CSMD2: variants seen among roughly 807,000 people sequenced by gnomAD.
CSMD2 encodes the protein CUB and Sushi multiple domains 2.
CSMD2 carries 130 observed loss-of-function variants against 398.5 expected under a neutral mutation model. The ratio of observed to expected loss-of-function variants is 0.33; its 90% CI spans 0.28 to 0.38. The LOEUF is 0.38. Ranked by LOEUF, CSMD2 falls within the 10% of genes least tolerant of loss-of-function variation. The probability of loss-of-function intolerance (pLI) is 1.00; values close to 1 mark genes in which losing one functional copy is unlikely to be tolerated. For missense variants in CSMD2, 3,829 were observed against 4,764.9 expected, an observed-to-expected ratio of 0.80 and a Z score of 5.78; for synonymous variants, 1,828 against 1,908.5, an observed-to-expected ratio of 0.96 and a Z score of 1.10.
chr1:33,790,180 G>C (rs1654059127), intron 11 of CSMD2, among the ~76,000 whole-genome samples: 1 of 152,184 alleles, frequency 6.6e-6, no homozygotes, highest in South Asian at 2.1e-4. Context: ...CACCAAGTGA[G>C]GGGGAGAGGT....
chr1:34,112,820 A>G (rs1015375711), intron 1 of CSMD2: 2 of 152,224 alleles, frequency 1.3e-5, no homozygotes, highest in African/African-American at 4.8e-5. Context: ...AGCCAATTCA[A>G]TGGATTTTTA....
intron 5 of CSMD2, among the ~76,000 whole-genome samples, chr1:33,859,399 T>A (rs1359468901): frequency 6.6e-6 from 1 of 152,196 alleles, no homozygotes; most frequent in Non-Finnish European, 1.5e-5. Context: ...ATCCTCTGCT[T>A]CTCTCATCAC....
In CSMD2 at chr1:33,605,518, A is replaced by C. The variant is rs757307757; in HGVS notation, c.6344-48T>G. The C allele has an allele frequency of 2.5e-6, 4 of 1,583,308 alleles. No homozygotes were observed. The African/African-American group carries it at 5.4e-5, about 21-fold the overall frequency. On this transcript the variant is annotated intron_variant, in intron 41 of 70. Coordinates refer to ENST00000373381, the MANE Select transcript of CSMD2 (RefSeq NM_001281956.2). ...GTCACTTTATTCTCTCTGACCAGAA[A>C]ATAGGAGCGGCAGAAAGCATAGTGG... is the stretch of plus-strand genomic sequence containing the variant.
At chr1:33,736,874 G>C (rs75693031) in intron 15 of CSMD2, among the ~76,000 whole-genome samples, 219 of 152,298 alleles carry the variant, frequency 1.4e-3, no homozygotes, top group African/African-American at 5.2e-3. Context: ...AGAAGGAAGA[G>C]ATCAGGTGAG....
chr1:33,937,622 C>T (rs975818674), intron 3 of CSMD2, among the ~76,000 whole-genome samples: 5 of 152,336 alleles, frequency 3.3e-5, no homozygotes, highest in African/African-American at 9.6e-5. Flanking sequence ...TTCCTCTCTT[C>T]CTCCTCTGAG....
chr1:33,739,130 A>G lies in CSMD2; in HGVS notation c.2368+10T>C. The G allele has an allele frequency of 6.2e-7, 1 of 1,607,154 alleles. No individual in the cohort carries two copies. Among genetic ancestry groups the G allele is most frequent in the African/African-American group, 1.3e-5 (1 of 74,778 alleles). On this transcript the variant is annotated intron_variant, in intron 15 of 70. Transcript: ENST00000373381. ...ACAATGGCCACTGCTCCCAGCCTGC[A>G]GGCTCGTACCTTCACACCGCAGCAC... is the stretch of plus-strand genomic sequence containing the variant.
Position 33,555,637 on chromosome 1 carries a change from C to T in CSMD2, c.8743+2097G>A, listed in dbSNP as rs184305315. Among the ~76,000 whole-genome samples the T allele has an allele frequency of 5.9e-5, 9 of 152,332 alleles. No homozygotes were observed. The East Asian group carries it at 1.7e-3, about 29-fold the overall frequency. On this transcript the variant is annotated intron_variant, in intron 55 of 70. Coordinates refer to ENST00000373381, the MANE Select transcript of CSMD2 (RefSeq NM_001281956.2). ...TTGCCACAGCCACACCAGCCTTCAC[C>T]ACCCCGATCAGTTTGCAGTCATCAA...
Position 33,636,637 on chromosome 1 carries a change from G to T in CSMD2, c.4775-83C>A. ...TCTTGGGCTCCAGTGCCCATGAGGAGAACCCGACTTTAATTAGCCACAGAG... is the reference window on the plus strand; with the variant it reads ...TCTTGGGCTCCAGTGCCCATGAGGATAACCCGACTTTAATTAGCCACAGAG... On this transcript the variant is annotated intron_variant, in intron 29 of 70. Transcript: ENST00000373381. This position sits in a 1 kb window ranked among gnomAD's most constrained non-coding sequence, Gnocchi z 4.8. 1 of 1,195,124 alleles carries T rather than the reference G, an allele frequency of 8.4e-7. No homozygotes were observed. Among genetic ancestry groups the T allele is most frequent in the Non-Finnish European group, 1.2e-6 (1 of 829,366 alleles). The allele number at this position is 1,195,124 out of a possible 1,614,324, so 74.0% of individuals were successfully genotyped here.
intron 3 of CSMD2, among the ~76,000 whole-genome samples, chr1:33,986,504 G>C (rs1175729918): frequency 2.0e-5 from 3 of 152,162 alleles, no homozygotes; most frequent in African/African-American, 4.8e-5. Context: ...CGAGTAGGTA[G>C]AGCCAGGCAT....
intron 2 of CSMD2, among the ~76,000 whole-genome samples, chr1:34,063,091 GC>G (rs1372482923): frequency 2.6e-5 from 4 of 151,998 alleles, no homozygotes; most frequent in African/African-American, 9.7e-5. Context: ...GGGGGAAACC[GC>G]CCCCGTGATT....
intron 5 of CSMD2, chr1:33,870,053 T>C (rs764870724): frequency 3.3e-5 from 5 of 152,190 alleles, no homozygotes; most frequent in Admixed American, 6.5e-5. Context: ...TAGCTTCCAC[T>C]AAAATATCAA....
rs943585130 is a variant in CSMD2 at position 33,537,791 on chromosome 1, C to T, written c.9632-182G>A. Among the ~76,000 whole-genome samples the T allele has an allele frequency of 6.6e-6, 1 of 152,218 alleles. No individual in the cohort carries two copies. Among genetic ancestry groups the T allele is most frequent in the Admixed American group, 6.5e-5 (1 of 15,290 alleles). On this transcript the variant is annotated intron_variant, in intron 60 of 70. Coordinates refer to ENST00000373381, the MANE Select transcript of CSMD2 (RefSeq NM_001281956.2). The surrounding 1 kb of genome is among the most constrained non-coding windows in gnomAD (Gnocchi z 4.6). The stretch of plus-strand genomic sequence containing the variant: ...GCGGTGCTGCTGCTGATGGGGGCTT[C>T]CTCTCCCTTCTACATTCAAAGTGCC...
intron 3 of CSMD2, among the ~76,000 whole-genome samples, chr1:34,007,146 C>G (rs1647084405): frequency 6.6e-6 from 1 of 152,076 alleles, no homozygotes; most frequent in Admixed American, 6.6e-5. Flanking sequence ...GAGGACTGGC[C>G]CGCCTCGACC....
At chr1:33,544,692 T>C (rs542290560) in intron 57 of CSMD2, among the ~76,000 whole-genome samples, 1 of 151,366 alleles carries the variant, frequency 6.6e-6, no homozygotes, top group Admixed American at 6.6e-5. Context: ...TGAAGAGAAG[T>C]GGGTTAAAGG....
chr1:34,138,127 T>C (rs1324836410), intron 1 of CSMD2, among the ~76,000 whole-genome samples: 1 of 152,210 alleles, frequency 6.6e-6, no homozygotes. Flanking sequence ...TGTCAGGTGC[T>C]GGCTAAACAA....
Position 33,537,671 on chromosome 1 carries a change from C to T in CSMD2, c.9632-62G>A. On this transcript the variant is annotated intron_variant, in intron 60 of 70. Transcript: ENST00000373381. The surrounding 1 kb of genome is among the most constrained non-coding windows in gnomAD (Gnocchi z 4.6). The stretch of plus-strand genomic sequence containing the variant: ...CTTTCCAGAACCCAATCTTCCAGTC[C>T]CACACCCCCATCTTTGTTCTTTGCA... 1 of 1,500,748 alleles carries T rather than the reference C, an allele frequency of 6.7e-7. No individual in the cohort carries two copies. Among genetic ancestry groups the T allele is most frequent in the Non-Finnish European group, 9.0e-7 (1 of 1,110,036 alleles). 93.0% of individuals were successfully genotyped at this position (1,500,748 alleles called of 1,614,324 possible). A position where few individuals can be genotyped will look rare whatever the true frequency, so the allele number is the denominator to read the frequency against.
Position 33,583,781 on chromosome 1 carries a change from C to T in CSMD2, c.7101G>A (p.Leu2367=). 6.2e-7 allele frequency: 1 copy of T among 1,614,158 alleles called. No homozygotes were observed. The highest frequency in any genetic ancestry group is 8.5e-7 in the Non-Finnish European group (1 of 1,180,040). Reference sequence around the variant, plus strand: ...GATAGCTTCCAGGGTAGCTCTGGCTCAGGATCACGCCTGTGGAGTCTGTCA... The same window carrying T: ...GATAGCTTCCAGGGTAGCTCTGGCTTAGGATCACGCCTGTGGAGTCTGTCA... The part of the protein sequence containing the change: ...ELLTDSTGVI[L]SQSYPGSYPQ... The change falls in exon 47 of 71, where the codon CTG becomes CTA. Residue 2367 remains leucine (L), a synonymous_variant. Transcript: ENST00000373381.
chr1:33,842,999 T>A (rs1661007248), intron 6 of CSMD2, among the ~76,000 whole-genome samples: 1 of 152,212 alleles, frequency 6.6e-6, no homozygotes, highest in South Asian at 2.1e-4. Context: ...CACTGCCTCT[T>A]TTTTGGCTTT....
intron 23 of CSMD2, among the ~76,000 whole-genome samples, 185 bp downstream of exon 23, chr1:33,700,332 G>A (rs989677884): frequency 6.6e-6 from 1 of 152,148 alleles, no homozygotes; most frequent in African/African-American, 2.4e-5. Context: ...ATGGACAAAT[G>A]CTATTCCATT....
Sources: gnomAD v4.1 joint callset for allele counts (sites outside exome capture counted in the v4.1 genomes callset) on GRCh38, gnomAD v4.1.1 for gene constraint, Gnocchi (gnomAD v3.1) non-coding constraint, MANE v1.5 for transcripts, NCBI Gene and HGNC (gene_info 2026-07-23, HGNC 2026-07-21) for gene names.